Variants in ZSCAN22 observed in about 807,000 individuals in gnomAD.
The protein encoded by ZSCAN22 is zinc finger and SCAN domain-containing protein 22.
Under a neutral mutation model 12.4 loss-of-function variants are expected in ZSCAN22, and 7 were observed. That is an observed-to-expected ratio of 0.57 (90% CI 0.32 to 1.06). The LOEUF (loss-of-function observed/expected upper bound fraction) is 1.06. Among genes scored for constraint, ZSCAN22 ranks in the 50% least tolerant of loss-of-function variants. ZSCAN22 has a pLI of 0.04. For missense variants in ZSCAN22, 576 were observed against 631.7 expected (o/e 0.91, Z 0.94); for synonymous variants, 243 against 255.9 (o/e 0.95, Z 0.48).
intron 1 of ZSCAN22, among the ~76,000 whole-genome samples, chr19:58,333,842 C>CA (rs1055484570): frequency 6.6e-6 from 1 of 151,488 alleles, no homozygotes; most frequent in African/African-American, 2.4e-5. Context: ...GACTCCGTCT[C>CA]AAAAAAATAA....
At chr19:58,333,618 C>A (rs1478616834) in intron 1 of ZSCAN22, among the ~76,000 whole-genome samples, 1 of 152,194 alleles carries the variant, frequency 6.6e-6, no homozygotes, top group Non-Finnish European at 1.5e-5. Flanking sequence ...CCGAGGCAGG[C>A]AGATCGCTTG....
Position 58,339,256 on chromosome 19 carries a change from G to A in ZSCAN22, c.1406G>A (p.Cys469Tyr), listed in dbSNP as rs2051842042. 1 of 1,614,106 alleles carries A rather than the reference G, an allele frequency of 6.2e-7. No individual in the cohort carries two copies. Among genetic ancestry groups the A allele is most frequent in the Non-Finnish European group, 8.5e-7 (1 of 1,180,042 alleles). Residue 469 changes from cysteine to tyrosine, a missense_variant, in exon 3 of 3, where the codon TGT becomes TAT. Physicochemically the swap from Cys to Tyr is radical, Grantham distance 194. Transcript: ENST00000329665. The surrounding 1 kb of genome is among the most constrained non-coding windows in gnomAD (Gnocchi z 5.6). ...GAGAAGCCTTATAAGTGCAGCGACT[G>A]TGGGAAGGCCTTCAGTCGTAGCTCA... ...TGEKPYKCSD[C>Y]GKAFSRSSAL...
In ZSCAN22 at chr19:58,334,857, C is replaced by T; in HGVS notation, c.55C>T (p.Leu19Phe). The change falls in exon 2 of 3, where the codon CTT (leucine) becomes TTT (phenylalanine). Residue 19 changes from leucine (L) to phenylalanine (F), a missense_variant. Physicochemically the swap from Leu to Phe is conservative, Grantham distance 22. Coordinates refer to ENST00000329665, the MANE Select transcript of ZSCAN22 (RefSeq NM_181846.3). ...AGTGCCGTGGGAAGAGGACAGCTTCCTTCAAGTGAAGGTGGAGGAGGAAGA... is the reference window on the plus strand; with the variant it reads ...AGTGCCGTGGGAAGAGGACAGCTTCTTTCAAGTGAAGGTGGAGGAGGAAGA... The part of the protein sequence containing the change: ...SPVPWEEDSF[L>F]QVKVEEEEEA... 1.2e-6 allele frequency: 2 copies of T among 1,613,762 alleles called. No individual in the cohort carries two copies. The highest frequency in any genetic ancestry group is 1.3e-5 in the African/African-American group (1 of 75,048).
intron 1 of ZSCAN22, 101 bp from the exon 2 acceptor site, chr19:58,334,651 C>T: frequency 1.2e-6 from 1 of 856,224 alleles, no homozygotes; most frequent in Non-Finnish European, 1.7e-6. Flanking sequence ...TTGTGAGAGT[C>T]TTTCACATCT....
At position 58,329,160 on chromosome 19, in the gene ZSCAN22, A is replaced by G. The variant is rs973075336; in HGVS notation, c.-52+2046A>G. Among the ~76,000 whole-genome samples the G allele has an allele frequency of 8.5e-5, 13 of 152,196 alleles. No individual in the cohort carries two copies. Among genetic ancestry groups the G allele is most frequent in the African/African-American group, 2.9e-4 (12 of 41,486 alleles). On this transcript the variant is annotated intron_variant, in intron 1 of 2. Transcript: ENST00000329665. This position sits in a 1 kb window ranked among gnomAD's most constrained non-coding sequence, Gnocchi z 4.1. ...CACAAGAGACCCAGGAGAACTTTACAGTGCGGCGAAGGGGCTTAAACGCAG... is the reference window on the plus strand; with the variant it reads ...CACAAGAGACCCAGGAGAACTTTACGGTGCGGCGAAGGGGCTTAAACGCAG...
chr19:58,332,718 G>A (rs564562158), intron 1 of ZSCAN22, among the ~76,000 whole-genome samples: 1 of 152,144 alleles, frequency 6.6e-6, no homozygotes, highest in African/African-American at 2.4e-5. Context: ...GTGGACATTT[G>A]GATTGTTTCT....
intron 1 of ZSCAN22, among the ~76,000 whole-genome samples, chr19:58,327,583 G>A (rs900007376): frequency 1.2e-4 from 18 of 152,192 alleles, no homozygotes; most frequent in African/African-American, 4.3e-4. Flanking sequence ...AGGCGGTTCT[G>A]TGTCTGACAC....
chr19:58,332,166 T>C (rs1054039387), intron 1 of ZSCAN22, among the ~76,000 whole-genome samples: 4 of 149,604 alleles, frequency 2.7e-5, no homozygotes, highest in African/African-American at 9.9e-5. Context: ...CCACCGCGCC[T>C]GGCCTCCAGA....
chr19:58,329,773 GA>G lies in ZSCAN22; in HGVS notation c.-52+2666del, dbSNP rs1182374148. 1.3e-5 allele frequency among the ~76,000 whole-genome samples: 2 copies of G among 151,954 alleles called. No homozygotes were observed. Among genetic ancestry groups the G allele is most frequent in the East Asian group, 1.9e-4 (1 of 5,192 alleles). On this transcript the variant is annotated intron_variant, in intron 1 of 2. Transcript: ENST00000329665. This position sits in a 1 kb window ranked among gnomAD's most constrained non-coding sequence, Gnocchi z 4.1. ...GAACTTTATCAAGGGTATATAATAA[GA>G]AAAAAATATAGAATATATAAGGTTC...
chr19:58,334,975 A>T lies in ZSCAN22; in HGVS notation c.173A>T (p.Glu58Val), dbSNP rs1432583652. 1 of 1,614,100 alleles carries T rather than the reference A, an allele frequency of 6.2e-7. No homozygotes were observed. Among genetic ancestry groups the T allele is most frequent in the Admixed American group, 1.7e-5 (1 of 60,032 alleles). ...ARLRFRHFRY[E>V]EASGPHEALA... ...CTGCGCTTCCGGCACTTCCGCTATG[A>T]GGAGGCATCTGGTCCACACGAGGCC... is the stretch of plus-strand genomic sequence containing the variant. The change falls in exon 2 of 3, where the codon GAG becomes GTG. Residue 58 changes from glutamate (E) to valine (V), a missense_variant. Physicochemically the swap from Glu to Val is moderately radical, Grantham distance 121. Coordinates refer to ENST00000329665, the MANE Select transcript of ZSCAN22 (RefSeq NM_181846.3).
chr19:58,334,688 T>C (rs2051769679), intron 1 of ZSCAN22, 64 bp from the exon 2 acceptor site: 1 of 1,232,252 alleles, frequency 8.1e-7, no homozygotes, highest in Non-Finnish European at 1.1e-6. Flanking sequence ...GTGTTTTCCC[T>C]GCTCTGTAGG....
rs756403605 is a variant in ZSCAN22, at chr19:58,339,123, C to G, written c.1273C>G (p.Arg425Gly). The G allele has an allele frequency of 6.2e-7, 1 of 1,614,190 alleles. No individual in the cohort carries two copies. Among genetic ancestry groups the G allele is most frequent in the Non-Finnish European group, 8.5e-7 (1 of 1,180,026 alleles). ...CTTCAGCGACTGCTCAGCCCTGATC[C>G]GACATCTGAGAATCCACTCTGGAGA... Reference protein sequence around the residue: ...RAFSDCSALIRHLRIHSGEKP... With the variant: ...RAFSDCSALIGHLRIHSGEKP... Residue 425 changes from arginine to glycine, a missense_variant, in exon 3 of 3, where the codon CGA becomes GGA. Physicochemically the swap from Arg to Gly is moderately radical, Grantham distance 125. Coordinates refer to ENST00000329665, the MANE Select transcript of ZSCAN22 (RefSeq NM_181846.3). The surrounding 1 kb of genome is among the most constrained non-coding windows in gnomAD (Gnocchi z 5.6).
chr19:58,332,268 C>CTTTGT (rs2051736232), intron 1 of ZSCAN22, among the ~76,000 whole-genome samples: 1 of 81,674 alleles, frequency 1.2e-5, no homozygotes, highest in African/African-American at 5.5e-5. Context: ...CACTAATATG[C>CTTTGT]TTTTTTTTTT....
In ZSCAN22 at chr19:58,342,217, G is replaced by A. The variant is rs1253612048; in HGVS notation, c.*2891G>A. On this transcript the variant is annotated 3_prime_UTR_variant, in exon 3 of 3. Coordinates refer to ENST00000329665, the MANE Select transcript of ZSCAN22 (RefSeq NM_181846.3). The stretch of plus-strand genomic sequence containing the variant: ...CCATCCCTGTTTTATAGAGGAGGAA[G>A]TGGCTTAGAGAATGTAACTGACCAA... 1 of 152,190 alleles carries A rather than the reference G, an allele frequency of 6.6e-6. No homozygotes were observed. Among genetic ancestry groups the A allele is most frequent in the Non-Finnish European group, 1.5e-5 (1 of 68,026 alleles). The allele number at this position is 152,190 out of a possible 1,614,324, so 9.4% of individuals were successfully genotyped here. A position where few individuals can be genotyped will look rare whatever the true frequency, so the allele number is the denominator to read the frequency against.
At position 58,340,480 on chromosome 19, in the gene ZSCAN22, C is replaced by CT. The variant is rs779224811; in HGVS notation, c.*1167dup. The CT allele has an allele frequency of 0.011, 1,584 of 142,318 alleles. 12 individuals are homozygous for CT. The highest frequency in any genetic ancestry group is 0.034 in the Middle Eastern group (10 of 292). The allele number at this position is 142,318 out of a possible 1,614,324, so 8.8% of individuals were successfully genotyped here. A position where few individuals can be genotyped will look rare whatever the true frequency, so the allele number is the denominator to read the frequency against. ...CTTCTTTTTCTTTTTCTTTTCTTTT[C>CT]TTTTTTTTTTTTTGAGATGGAGTCT... On this transcript the variant is annotated 3_prime_UTR_variant, in exon 3 of 3. Transcript: ENST00000329665.
In ZSCAN22 at chr19:58,335,942, G is replaced by A. The variant is rs976445929; in HGVS notation, c.403+737G>A. On this transcript the variant is annotated intron_variant, in intron 2 of 2. Transcript: ENST00000329665. This position sits in a 1 kb window ranked among gnomAD's most constrained non-coding sequence, Gnocchi z 4.1. The stretch of plus-strand genomic sequence containing the variant: ...GGGATGCAGGGAAGACCCAGCCTTG[G>A]GACAATCCAGAGCAGGGAGTGGTGG... Among the ~76,000 whole-genome samples, 7 of 152,168 alleles carry A rather than the reference G, an allele frequency of 4.6e-5. No individual in the cohort carries two copies. The East Asian group carries it at 1.2e-3, about 25-fold the overall frequency.
At chr19:58,327,256 G>A (rs550702403) in intron 1 of ZSCAN22, 142 bp downstream of exon 1, 1 of 152,646 alleles carries the variant, frequency 6.6e-6, no homozygotes, top group African/African-American at 2.4e-5. Context: ...ACTAGGGGAC[G>A]TGAGTAGACG....
At chr19:58,331,787 G>A (rs959694878) in intron 1 of ZSCAN22, among the ~76,000 whole-genome samples, 8 of 150,940 alleles carry the variant, frequency 5.3e-5, no homozygotes, top group Admixed American at 4.0e-4. Flanking sequence ...CCTTGTGATC[G>A]GCCCAGCTTG....
In ZSCAN22 at chr19:58,338,882, GA is replaced by G; in HGVS notation, c.1033del (p.Ile345PhefsTer51). ...TCACCCACCTGACTCAGCACCAAAG[GA>G]TTCATACTGGAGAGAAACCCTACAA... ...RVTHLTQHQR[I>X]HTGEKPYKCG... On this transcript the variant is annotated frameshift_variant, in exon 3 of 3. Coordinates refer to ENST00000329665, the MANE Select transcript of ZSCAN22 (RefSeq NM_181846.3). LOFTEE classifies it low-confidence loss of function (END_TRUNC). This position sits in a 1 kb window ranked among gnomAD's most constrained non-coding sequence, Gnocchi z 5.4. 1 of 1,614,114 alleles carries G rather than the reference GA, an allele frequency of 6.2e-7. No individual in the cohort carries two copies. Among genetic ancestry groups the G allele is most frequent in the Non-Finnish European group, 8.5e-7 (1 of 1,180,028 alleles).
Sources: allele counts gnomAD v4.1 joint callset (sites outside exome capture counted in the v4.1 genomes callset), GRCh38; gene constraint gnomAD v4.1.1; non-coding constraint Gnocchi (gnomAD v3.1); transcripts MANE v1.5; gene names NCBI Gene and HGNC (gene_info 2026-07-23, HGNC 2026-07-21).